Variants in PLCG2 observed in about 807,000 individuals in gnomAD.
PLCG2 encodes phospholipase C gamma 2, also known as 1-phosphatidylinositol 4,5-bisphosphate phosphodiesterase gamma-2.
In PLCG2, 69 loss-of-function variants were observed where a neutral mutation model predicts 175.6. That is an observed-to-expected ratio of 0.39 (90% CI 0.32 to 0.48). The LOEUF (loss-of-function observed/expected upper bound fraction) is 0.48. PLCG2 is among the 20% of genes least tolerant of loss of function. The pLI, the probability that PLCG2 is intolerant of heterozygous loss-of-function variation, is 0.91. For synonymous variants in PLCG2, 827 were observed against 624.0 expected (o/e 1.33, Z -4.85); for missense variants, 1,798 against 1,650.9 (o/e 1.09, Z -1.54).
At chr16:81,927,431 T>A (rs1323682375) in intron 23 of PLCG2, among the ~76,000 whole-genome samples, 1 of 152,166 alleles carries the variant, frequency 6.6e-6, no homozygotes, top group Non-Finnish European at 1.5e-5. Context: ...GCAGGAGAAT[T>A]CCCGCTGGAG....
intron 19 of PLCG2, among the ~76,000 whole-genome samples, chr16:81,919,185 T>C (rs1909961050): frequency 1.3e-5 from 2 of 152,174 alleles, no homozygotes; most frequent in African/African-American, 4.8e-5. Flanking sequence ...CTTGACCTAG[T>C]TCCCTAGGAA....
intron 22 of PLCG2, among the ~76,000 whole-genome samples, chr16:81,924,742 T>C (rs978674243): frequency 3.9e-5 from 6 of 152,252 alleles, no homozygotes; most frequent in Non-Finnish European, 7.3e-5. Context: ...GAGTTACCCA[T>C]TGAGCTGGAG....
intron 15 of PLCG2, among the ~76,000 whole-genome samples, chr16:81,905,948 C>A (rs1204107724): frequency 6.6e-6 from 1 of 152,210 alleles, no homozygotes; most frequent in East Asian, 1.9e-4. Context: ...GCGTAAGCTT[C>A]TAAGCCTGGC....
intron 30 of PLCG2, among the ~76,000 whole-genome samples, chr16:81,941,943 C>G (rs1910958996): frequency 6.6e-6 from 1 of 152,080 alleles, no homozygotes. Context: ...TACTTTAAAC[C>G]CGGCACTGAT....
chr16:81,780,148 G>C (rs1219913730), intron 1 of PLCG2, among the ~76,000 whole-genome samples: 1 of 152,112 alleles, frequency 6.6e-6, no homozygotes, highest in Non-Finnish European at 1.5e-5. Flanking sequence ...AGAAACTATG[G>C]GGGGCGGGGT....
At chr16:81,936,875 A>G (rs1262383240) in intron 27 of PLCG2, among the ~76,000 whole-genome samples, 2 of 152,154 alleles carry the variant, frequency 1.3e-5, no homozygotes, top group Non-Finnish European at 2.9e-5. Context: ...CCTCCTTTAC[A>G]TTCTTTTTAT....
At position 81,852,414 on chromosome 16, in the gene PLCG2, T is replaced by G. The variant is rs1906463411; in HGVS notation, c.194-2030T>G. Among the ~76,000 whole-genome samples, 3 of 152,076 alleles carry G rather than the reference T, an allele frequency of 2.0e-5. No individual in the cohort carries two copies. The South Asian group carries it at 6.2e-4, about 32-fold the overall frequency. ...TCAGCTCTATCTAAAGCACATGGAA[T>G]GGGTGCATCCCATGAAAAGATGATT... On this transcript the variant is annotated intron_variant, in intron 2 of 32. Transcript: ENST00000564138.
At position 81,880,935 on chromosome 16, in the gene PLCG2, C is replaced by T. The variant is rs770601419; in HGVS notation, c.674C>T (p.Ser225Leu). 17 of 1,614,100 alleles carry T rather than the reference C, an allele frequency of 1.1e-5. No homozygotes were observed. Among genetic ancestry groups the T allele is most frequent in the South Asian group, 4.4e-5 (4 of 91,080 alleles). ...ATTCTCGATGAATTCAAAAAGGATT[C>T]GTCCGTGTTCATCCTGGGGTGAGGC... ...KSILDEFKKD[S>L]SVFILGNTDR... Residue 225 changes from serine (S) to leucine (L), a missense_variant, in exon 8 of 33, where the codon TCG becomes TTG. Coordinates refer to ENST00000564138, the MANE Select transcript of PLCG2 (RefSeq NM_002661.5).
chr16:81,922,940 T>C (rs780853708), intron 21 of PLCG2, among the ~76,000 whole-genome samples: 4 of 152,184 alleles, frequency 2.6e-5, no homozygotes, highest in Non-Finnish European at 5.9e-5. Context: ...GCTCAGTTAC[T>C]CTTGCAAAAT....
chr16:81,803,719 T>C (rs1715502602), intron 2 of PLCG2, among the ~76,000 whole-genome samples: 2 of 139,208 alleles, frequency 1.4e-5, no homozygotes, highest in South Asian at 5.2e-4. Context: ...TCTCACTGTG[T>C]CGGTCAGGCC....
rs145976625 is a variant in PLCG2, at chr16:81,856,216, G to A, written c.337+1629G>A. Among the ~76,000 whole-genome samples, 321 of 152,314 alleles carry A rather than the reference G, an allele frequency of 2.1e-3. 2 individuals are homozygous for A. Among genetic ancestry groups the A allele is most frequent in the Admixed American group, 5.6e-3 (86 of 15,308 alleles). ...GCATCTGTGTGGGAAGATGAGAGCAGCAGTCTCTGCCATGGGTGTACGGAC... is the reference window on the plus strand; with the variant it reads ...GCATCTGTGTGGGAAGATGAGAGCAACAGTCTCTGCCATGGGTGTACGGAC... On this transcript the variant is annotated intron_variant, in intron 3 of 32. Coordinates refer to ENST00000564138, the MANE Select transcript of PLCG2 (RefSeq NM_002661.5).
chr16:81,960,479 C>T lies in PLCG2; in HGVS notation c.*2481C>T, dbSNP rs1412962691. The T allele has an allele frequency of 8.7e-6, 2 of 230,090 alleles. No homozygotes were observed. Among genetic ancestry groups the T allele is most frequent in the Admixed American group, 1.1e-4 (2 of 17,710 alleles). The allele number at this position is 230,090 out of a possible 1,614,324, so 14.3% of individuals were successfully genotyped here. On this transcript the variant is annotated 3_prime_UTR_variant, in exon 33 of 33. Coordinates refer to ENST00000564138, the MANE Select transcript of PLCG2 (RefSeq NM_002661.5). ...GTGTTATTTAGAATATTGGTTATTACAAGGAAAAATAAAGTGGGGAGGCTG... is the reference window on the plus strand; with the variant it reads ...GTGTTATTTAGAATATTGGTTATTATAAGGAAAAATAAAGTGGGGAGGCTG...
intron 1 of PLCG2, among the ~76,000 whole-genome samples, chr16:81,749,147 T>TGTTCTC (rs2143060685): frequency 6.6e-6 from 1 of 152,170 alleles, no homozygotes; most frequent in South Asian, 2.1e-4. Flanking sequence ...TTGATTTACA[T>TGTTCTC]GTTCTCACAC....
Position 81,931,625 on chromosome 16 carries a change from C to T in PLCG2, c.2710C>T (p.Arg904Ter). Residue 904 changes from arginine to a stop codon, truncating the protein, a stop_gained, in exon 25 of 33, where the codon CGA (arginine) becomes TGA (stop). Transcript: ENST00000564138. LOFTEE classifies it high-confidence loss of function. ...GCTCTTTGAGTGGTTTCAGAGCATC[C>T]GAGAGATCACCTGGAAGATTGACAC... ...EELFEWFQSIREITWKIDTKE... is the reference protein window; with the variant it reads ...EELFEWFQSI 3 of 1,613,914 alleles carry T rather than the reference C, an allele frequency of 1.9e-6. No homozygotes were observed. Among genetic ancestry groups the T allele is most frequent in the Non-Finnish European group, 2.5e-6 (3 of 1,179,912 alleles).
At chr16:81,869,027 A>G (rs1907382607) in intron 5 of PLCG2, among the ~76,000 whole-genome samples, 187 bp from the exon 6 acceptor site, 1 of 152,214 alleles carries the variant, frequency 6.6e-6, no homozygotes, top group Non-Finnish European at 1.5e-5. Context: ...ACATTGCTTG[A>G]GCCTTGCTCA....
In PLCG2 at chr16:81,958,177, T is replaced by G; in HGVS notation, c.*179T>G. ...TGAGTTGGGGTAATTTCCTATTATT[T>G]TCATCTTGGACAACTTTCTTAACTT... On this transcript the variant is annotated 3_prime_UTR_variant, in exon 33 of 33. Transcript: ENST00000564138. The G allele has an allele frequency of 3.3e-6, 2 of 599,800 alleles. No homozygotes were observed. Among genetic ancestry groups the G allele is most frequent in the South Asian group, 4.3e-5 (2 of 46,020 alleles). 37.2% of individuals were successfully genotyped at this position (599,800 alleles called of 1,614,324 possible). A position where few individuals can be genotyped will look rare whatever the true frequency, so the allele number is the denominator to read the frequency against.
chr16:81,891,332 G>T, intron 10 of PLCG2, 140 bp from the exon 11 acceptor site: 1 of 651,794 alleles, frequency 1.5e-6, no homozygotes. Flanking sequence ...TGAAAACGTG[G>T]GTAACTGAGG....
chr16:81,893,858 T>C, intron 12 of PLCG2, 64 bp downstream of exon 12: 1 of 1,007,392 alleles, frequency 9.9e-7, no homozygotes, highest in Non-Finnish European at 1.6e-6. Context: ...ATGTGGTTGC[T>C]CCATGTTTTC....
In PLCG2 at chr16:81,815,094, C is replaced by A. The variant is rs1199337169; in HGVS notation, c.193+28912C>A. Among the ~76,000 whole-genome samples, 3 of 151,966 alleles carry A rather than the reference C, an allele frequency of 2.0e-5. No homozygotes were observed. In the South Asian group the frequency reaches 6.2e-4, roughly 31 times the overall value. On this transcript the variant is annotated intron_variant, in intron 2 of 32. Coordinates refer to ENST00000564138, the MANE Select transcript of PLCG2 (RefSeq NM_002661.5). ...TAACTTTTAAACATTTCCTTTTTTT[C>A]CTGAGTTATGGAAGGAATGATAATT... is the stretch of plus-strand genomic sequence containing the variant.
Sources: allele counts gnomAD v4.1 joint callset (sites outside exome capture counted in the v4.1 genomes callset), GRCh38; gene constraint gnomAD v4.1.1; transcripts MANE v1.5; gene names NCBI Gene and HGNC (gene_info 2026-07-23, HGNC 2026-07-21).